Variants in SYNDIG1 observed in about 807,000 individuals in gnomAD.
SYNDIG1 encodes the protein synapse differentiation-inducing gene protein 1.
A neutral mutation model predicts 19.4 loss-of-function variants in SYNDIG1; 9 were observed. That is an observed-to-expected ratio of 0.46 (90% CI 0.28 to 0.81). The LOEUF (loss-of-function observed/expected upper bound fraction) is 0.81, where lower values mean the gene tolerates loss of function less well. Among genes scored for constraint, SYNDIG1 ranks in the 30% least tolerant of loss-of-function variants. The pLI, the probability that SYNDIG1 is intolerant of heterozygous loss-of-function variation, is 0.12. For synonymous variants in SYNDIG1, 141 were observed against 145.9 expected, an observed-to-expected ratio of 0.97 and a Z score of 0.24; for missense variants, 311 against 343.3, an observed-to-expected ratio of 0.91 and a Z score of 0.74.
chr20:24,603,530 G>C (rs1366048248), intron 3 of SYNDIG1, among the ~76,000 whole-genome samples: 1 of 152,200 alleles, frequency 6.6e-6, no homozygotes, highest in East Asian at 1.9e-4. Context: ...CACTGCCTCA[G>C]GGAGGAAGTA....
chr20:24,663,818 C>A (rs1444855572), intron 3 of SYNDIG1, among the ~76,000 whole-genome samples: 1 of 152,088 alleles, frequency 6.6e-6, no homozygotes, highest in Non-Finnish European at 1.5e-5. Context: ...GTGATCATGG[C>A]GGGGACACAA....
chr20:24,609,960 G>A (rs981667178), intron 3 of SYNDIG1, among the ~76,000 whole-genome samples: 3 of 151,956 alleles, frequency 2.0e-5, no homozygotes, highest in East Asian at 1.9e-4. Flanking sequence ...CCCATCCCAC[G>A]TGCAACACTG....
chr20:24,632,050 C>G (rs974743488), intron 3 of SYNDIG1, among the ~76,000 whole-genome samples: 5 of 152,158 alleles, frequency 3.3e-5, no homozygotes, highest in African/African-American at 1.2e-4. Flanking sequence ...TCCTCTGCTC[C>G]TAACTTCAGA....
chr20:24,469,948 A>G (rs1276374355), intron 1 of SYNDIG1, among the ~76,000 whole-genome samples, 195 bp downstream of exon 1: 1 of 150,702 alleles, frequency 6.6e-6, no homozygotes, highest in African/African-American at 2.4e-5. Context: ...GGTCGCCGCG[A>G]CGAGACTTGG....
chr20:24,625,214 T>G (rs1332469460), intron 3 of SYNDIG1, among the ~76,000 whole-genome samples: 1 of 151,564 alleles, frequency 6.6e-6, no homozygotes, highest in Non-Finnish European at 1.5e-5. Flanking sequence ...ACGGGAAAAA[T>G]GTAGAGAAAA....
intron 3 of SYNDIG1, among the ~76,000 whole-genome samples, chr20:24,619,534 T>C (rs977929369): frequency 6.6e-6 from 1 of 152,264 alleles, no homozygotes; most frequent in Admixed American, 6.5e-5. Context: ...TGTTCGTAGA[T>C]GATTCTCAGG....
chr20:24,511,628 A>G (rs899308008), intron 1 of SYNDIG1, among the ~76,000 whole-genome samples: 6 of 151,958 alleles, frequency 3.9e-5, no homozygotes. Flanking sequence ...CTCTCCCCAC[A>G]CTGCGGCAGT....
rs1221978118 is a variant in SYNDIG1, at chr20:24,512,153, A to ATATATATATG, written c.-78-30866_-78-30865insATATATATGT. Among the ~76,000 whole-genome samples the ATATATATATG allele has an allele frequency of 4.4e-5, 5 of 112,806 alleles. No individual in the cohort carries two copies. In the East Asian group the frequency reaches 1.1e-3, roughly 25 times the overall value. 74.0% of individuals were successfully genotyped at this position (112,806 alleles called of 152,430 possible). ...TATATATATATATATATATATATATATGCAGTGGTTCCAAGATGGCCGAAT... is the reference window on the plus strand; with the variant it reads ...TATATATATATATATATATATATATATATATATATGTGCAGTGGTTCCAAGATGGCCGAAT... On this transcript the variant is annotated intron_variant, in intron 1 of 3. Coordinates refer to ENST00000376862, the MANE Select transcript of SYNDIG1 (RefSeq NM_024893.3).
intron 3 of SYNDIG1, among the ~76,000 whole-genome samples, chr20:24,639,561 A>G (rs1434946461): frequency 1.3e-5 from 2 of 152,216 alleles, no homozygotes; most frequent in African/African-American, 2.4e-5. Flanking sequence ...CTAGCTGCTC[A>G]CACTTGGAGA....
intron 3 of SYNDIG1, among the ~76,000 whole-genome samples, chr20:24,611,835 C>G (rs2058853272): frequency 6.6e-6 from 1 of 152,186 alleles, no homozygotes; most frequent in Non-Finnish European, 1.5e-5. Flanking sequence ...CTGGCCAGAG[C>G]CCTCTTGTTG....
chr20:24,632,048 T>C (rs963348976), intron 3 of SYNDIG1, among the ~76,000 whole-genome samples: 1 of 152,100 alleles, frequency 6.6e-6, no homozygotes, highest in African/African-American at 2.4e-5. Flanking sequence ...CATCCTCTGC[T>C]CCTAACTTCA....
At chr20:24,563,648 C>T (rs1455034162) in intron 2 of SYNDIG1, among the ~76,000 whole-genome samples, 1 of 152,202 alleles carries the variant, frequency 6.6e-6, no homozygotes, top group African/African-American at 2.4e-5. Context: ...GTCACCCAGG[C>T]TGGAGTGCAG....
At chr20:24,661,721 A>AG (rs1019454504) in intron 3 of SYNDIG1, among the ~76,000 whole-genome samples, 1 of 151,954 alleles carries the variant, frequency 6.6e-6, no homozygotes, top group Admixed American at 6.6e-5. Flanking sequence ...GGGAGACACG[A>AG]GGGGACTGGG....
In SYNDIG1 at chr20:24,471,564, G is replaced by T. The variant is rs908271937; in HGVS notation, c.-79+1811G>T. On this transcript the variant is annotated intron_variant, in intron 1 of 3. Coordinates refer to ENST00000376862, the MANE Select transcript of SYNDIG1 (RefSeq NM_024893.3). Reference sequence around the variant, plus strand: ...CTCTCTCACCCTGTCCCCATTTCCTGCCTGAAAACGGAATCCTCATAATCA... The same window carrying T: ...CTCTCTCACCCTGTCCCCATTTCCTTCCTGAAAACGGAATCCTCATAATCA... Among the ~76,000 whole-genome samples, 3 of 141,908 alleles carry T rather than the reference G, an allele frequency of 2.1e-5. No homozygotes were observed. In the East Asian group the frequency reaches 6.2e-4, roughly 29 times the overall value. The allele number at this position is 141,908 out of a possible 152,430, so 93.1% of individuals were successfully genotyped here.
chr20:24,517,665 CAT>C (rs988172337), intron 1 of SYNDIG1, among the ~76,000 whole-genome samples: 2 of 141,830 alleles, frequency 1.4e-5, no homozygotes, highest in African/African-American at 2.6e-5. Context: ...TATATACACA[CAT>C]ATATATGTGT....
At chr20:24,663,426 T>C (rs1489335401) in intron 3 of SYNDIG1, among the ~76,000 whole-genome samples, 1 of 152,024 alleles carries the variant, frequency 6.6e-6, no homozygotes, top group Non-Finnish European at 1.5e-5. Context: ...ACCTGCAGAG[T>C]TGGGCCAGAA....
rs1270243485 is a variant in SYNDIG1, at chr20:24,656,858, G to T, written c.619-8488G>T. Among the ~76,000 whole-genome samples, 3 of 152,232 alleles carry T rather than the reference G, an allele frequency of 2.0e-5. 1 individual carries two copies. The highest frequency in any genetic ancestry group is 1.9e-4 in the East Asian group (1 of 5,198). The stretch of plus-strand genomic sequence containing the variant: ...ATCTCATATTGAGATGTAACCCCCA[G>T]TGTTGGAGTTGGGGCCTGGTGGGAA... On this transcript the variant is annotated intron_variant, in intron 3 of 3. Transcript: ENST00000376862.
chr20:24,472,504 A>G (rs1333128080), intron 1 of SYNDIG1, among the ~76,000 whole-genome samples: 1 of 152,216 alleles, frequency 6.6e-6, no homozygotes, highest in East Asian at 1.9e-4. Context: ...ATTATCAGAG[A>G]ATAGAAAGTT....
chr20:24,611,670 G>A (rs1254596955), intron 3 of SYNDIG1, among the ~76,000 whole-genome samples: 3 of 151,860 alleles, frequency 2.0e-5, no homozygotes, highest in South Asian at 2.1e-4. Context: ...GCCTCTGCCT[G>A]GAGGCCTTCT....
Sources: allele counts gnomAD v4.1 joint callset (sites outside exome capture counted in the v4.1 genomes callset), GRCh38; gene constraint gnomAD v4.1.1; transcripts MANE v1.5; gene names NCBI Gene and HGNC (gene_info 2026-07-23, HGNC 2026-07-21).